The following RAB28 variants were observed in gnomAD, a reference collection of about 807,000 sequenced individuals.
RAB28 encodes the protein RAB28, member RAS oncogene family, also known as ras-related protein Rab-28.
In RAB28, 24 loss-of-function variants were observed where a neutral mutation model predicts 31.7. The observed-to-expected ratio is 0.76, with a 90% confidence interval of 0.55 to 1.06. The LOEUF (loss-of-function observed/expected upper bound fraction) is 1.06. RAB28 is among the 50% of genes least tolerant of loss of function. The pLI is 0.00. For missense variants in RAB28, 254 were observed against 258.5 expected, an observed-to-expected ratio of 0.98 and a Z score of 0.12; for synonymous variants, 100 against 90.4, an observed-to-expected ratio of 1.11 and a Z score of -0.60.
intron 4 of RAB28, among the ~76,000 whole-genome samples, chr4:13,444,398 G>A (rs892787528): frequency 2.0e-5 from 3 of 151,998 alleles, no homozygotes; most frequent in African/African-American, 7.3e-5. Context: ...ATATATATGC[G>A]CCACATTTTC....
At chr4:13,385,896 C>G (rs1004994925) in intron 4 of RAB28, among the ~76,000 whole-genome samples, 1 of 151,978 alleles carries the variant, frequency 6.6e-6, no homozygotes, top group African/African-American at 2.4e-5. Context: ...AATTTAAGAC[C>G]AGAAACTGTG....
intron 5 of RAB28, among the ~76,000 whole-genome samples, chr4:13,379,527 A>C (rs1024972671): frequency 1.3e-5 from 2 of 152,168 alleles, no homozygotes; most frequent in Non-Finnish European, 2.9e-5. Flanking sequence ...AGAAGAGAGA[A>C]AAATGAAGAC....
At chr4:13,441,415 A>G (rs1038894384) in intron 4 of RAB28, among the ~76,000 whole-genome samples, 8 of 152,240 alleles carry the variant, frequency 5.3e-5, no homozygotes, top group Non-Finnish European at 1.0e-4. Flanking sequence ...TGTAATCAAC[A>G]TAACTTTGTT....
chr4:13,463,929 T>C (rs1219236823), intron 3 of RAB28, among the ~76,000 whole-genome samples: 2 of 151,904 alleles, frequency 1.3e-5, no homozygotes, highest in Non-Finnish European at 2.9e-5. Context: ...GACCTTACAA[T>C]AAGAAAAAGG....
At chr4:13,420,224 G>A (rs978635636) in intron 4 of RAB28, among the ~76,000 whole-genome samples, 1 of 152,154 alleles carries the variant, frequency 6.6e-6, no homozygotes, top group South Asian at 2.1e-4. Flanking sequence ...CTGAATCTCT[G>A]AATAGACCAG....
chr4:13,368,439 G>C lies in RAB28; in HGVS notation c.*119C>G. ...GCAATAGCAATGATGAAGCAAGTTGGGAGTAAAGTGTTAACTGAACTACAG... is the reference window on the plus strand; with the variant it reads ...GCAATAGCAATGATGAAGCAAGTTGCGAGTAAAGTGTTAACTGAACTACAG... On this transcript the variant is annotated 3_prime_UTR_variant, in exon 7 of 7. Transcript: ENST00000330852. 8 of 1,314,142 alleles carry C rather than the reference G, an allele frequency of 6.1e-6. No homozygotes were observed. Among genetic ancestry groups the C allele is most frequent in the South Asian group, 2.5e-5 (1 of 40,488 alleles). 81.4% of individuals were successfully genotyped at this position (1,314,142 alleles called of 1,614,324 possible).
chr4:13,372,043 CAT>C (rs2108873904), intron 6 of RAB28, among the ~76,000 whole-genome samples: 1 of 152,184 alleles, frequency 6.6e-6, no homozygotes, highest in East Asian at 1.9e-4. Flanking sequence ...GTGCAAAAGC[CAT>C]AGTTTGTCAT....
intron 2 of RAB28, among the ~76,000 whole-genome samples, chr4:13,478,934 A>G (rs1002533514): frequency 6.6e-6 from 1 of 151,656 alleles, no homozygotes; most frequent in African/African-American, 2.4e-5. Flanking sequence ...GGTCTATTAA[A>G]TGCCAGCAAT....
intron 4 of RAB28, among the ~76,000 whole-genome samples, chr4:13,458,800 A>G (rs998954892): frequency 1.3e-5 from 2 of 152,242 alleles, no homozygotes; most frequent in Non-Finnish European, 2.9e-5. Flanking sequence ...TTTGTAGCCT[A>G]GGAGCAATAG....
intron 2 of RAB28, among the ~76,000 whole-genome samples, chr4:13,476,447 A>C (rs1716363332): frequency 6.6e-6 from 1 of 151,586 alleles, no homozygotes; most frequent in African/African-American, 2.4e-5. Flanking sequence ...ACTAATATAG[A>C]ATGCTAACAA....
At chr4:13,397,727 G>C (rs1052307188) in intron 4 of RAB28, among the ~76,000 whole-genome samples, 1 of 152,000 alleles carries the variant, frequency 6.6e-6, no homozygotes, top group African/African-American at 2.4e-5. Context: ...AACATGTCAT[G>C]AAACTTGCGG....
At chr4:13,403,702 G>A (rs1711912603) in intron 4 of RAB28, among the ~76,000 whole-genome samples, 1 of 152,144 alleles carries the variant, frequency 6.6e-6, no homozygotes, top group Non-Finnish European at 1.5e-5. Flanking sequence ...ATCATTTTAA[G>A]ATAATGCTAT....
intron 5 of RAB28, among the ~76,000 whole-genome samples, chr4:13,380,219 G>T (rs916777509): frequency 6.6e-6 from 1 of 151,874 alleles, no homozygotes; most frequent in Admixed American, 6.6e-5. Context: ...TTTTTAATGG[G>T]TCTTACCAAA....
intron 4 of RAB28, among the ~76,000 whole-genome samples, chr4:13,438,257 T>C (rs1714237020): frequency 6.6e-6 from 1 of 152,222 alleles, no homozygotes. Flanking sequence ...AGGTTATAGT[T>C]ATAGAATCTT....
chr4:13,446,481 G>C (rs959330791), intron 4 of RAB28, among the ~76,000 whole-genome samples: 1 of 152,190 alleles, frequency 6.6e-6, no homozygotes, highest in African/African-American at 2.4e-5. Flanking sequence ...TTAAAACCCG[G>C]GGCCCTGGTG....
intron 4 of RAB28, among the ~76,000 whole-genome samples, chr4:13,444,973 T>TTCCCAACTTGGTTCCATTC (rs1714622482): frequency 6.6e-6 from 1 of 152,208 alleles, no homozygotes; most frequent in Non-Finnish European, 1.5e-5. Context: ...TGAAGTGTTT[T>TTCCCAACTTGGTTCCATTC]TCCCAACTTG....
chr4:13,425,740 T>C (rs563003945), intron 4 of RAB28, among the ~76,000 whole-genome samples: 5 of 152,346 alleles, frequency 3.3e-5, no homozygotes, highest in African/African-American at 9.6e-5. Flanking sequence ...GCTTTAGTTG[T>C]ACTGTTGCTT....
intron 6 of RAB28, among the ~76,000 whole-genome samples, chr4:13,374,797 T>C (rs1036258606): frequency 2.6e-5 from 4 of 152,090 alleles, no homozygotes; most frequent in Admixed American, 1.3e-4. Context: ...TCCAACGACA[T>C]ATAAAAATAT....
At chr4:13,439,341 T>C (rs915289450) in intron 4 of RAB28, among the ~76,000 whole-genome samples, 1 of 152,218 alleles carries the variant, frequency 6.6e-6, no homozygotes, top group African/African-American at 2.4e-5. Flanking sequence ...GTTGTTTTAA[T>C]CCAAGGTCAT....
Sources: gnomAD v4.1 joint callset for allele counts (sites outside exome capture counted in the v4.1 genomes callset) on GRCh38, gnomAD v4.1.1 for gene constraint, MANE v1.5 for transcripts, NCBI Gene and HGNC (gene_info 2026-07-23, HGNC 2026-07-21) for gene names.